Variants in SLC12A4 observed in about 807,000 individuals in gnomAD.
SLC12A4 encodes solute carrier family 12 member 4.
A neutral mutation model predicts 119.2 loss-of-function variants in SLC12A4; 84 were observed. The ratio of observed to expected loss-of-function variants is 0.70; its 90% CI spans 0.59 to 0.85. The LOEUF (loss-of-function observed/expected upper bound fraction) is 0.85, where lower values mean the gene tolerates loss of function less well. Among genes scored for constraint, SLC12A4 ranks in the 40% least tolerant of loss-of-function variants. SLC12A4 has a pLI of 0.00. For missense variants in SLC12A4, 1,298 were observed against 1,476.3 expected (o/e 0.88, Z 1.98); for synonymous variants, 599 against 604.6 (o/e 0.99, Z 0.14).
Position 67,944,958 on chromosome 16 carries a change from A to G in SLC12A4, c.3167-27T>C. ...TGCAGGGCCTCAAGTCAAGGAGGCA[A>G]CAACAGAATCAACGGGCAACCCGGG... On this transcript the variant is annotated intron_variant, in intron 23 of 23. Coordinates refer to ENST00000316341, the MANE Select transcript of SLC12A4 (RefSeq NM_005072.5). This position sits in a 1 kb window ranked among gnomAD's most constrained non-coding sequence, Gnocchi z 6.6. 2.5e-6 allele frequency: 4 copies of G among 1,613,030 alleles called. No individual in the cohort carries two copies. The highest frequency in any genetic ancestry group is 4.5e-5 in the East Asian group (2 of 44,858).
At chr16:67,945,910 G>A (rs2058339852) in intron 20 of SLC12A4, 39 bp from the exon 21 acceptor site, 30 of 1,613,026 alleles carry the variant, frequency 1.9e-5, no homozygotes, top group Non-Finnish European at 2.5e-5. Flanking sequence ...AGCTGCACGG[G>A]ACATGGTATC....
At chr16:67,966,109 G>C (rs2030859430) in intron 1 of SLC12A4, among the ~76,000 whole-genome samples, 1 of 152,198 alleles carries the variant, frequency 6.6e-6, no homozygotes, top group Non-Finnish European at 1.5e-5. Flanking sequence ...GTGACCCAGG[G>C]AGACATGCTT....
Position 67,948,059 on chromosome 16 carries a change from A to G in SLC12A4, c.1847+2T>C, listed in dbSNP as rs1598212600. On this transcript the variant is annotated splice_donor_variant, in intron 14 of 23. Coordinates refer to ENST00000316341, the MANE Select transcript of SLC12A4 (RefSeq NM_005072.5). LOFTEE classifies it high-confidence loss of function. ...GTCTCCCGTGTCAGAGGCATGGCTC[A>G]CCAGTGATAGTACTTGAACCGGGGC... 6.2e-7 allele frequency: 1 copy of G among 1,613,000 alleles called. No homozygotes were observed. Among genetic ancestry groups the G allele is most frequent in the East Asian group, 2.2e-5 (1 of 44,878 alleles).
chr16:67,956,547 G>A (rs967900137), intron 5 of SLC12A4, among the ~76,000 whole-genome samples: 3 of 151,712 alleles, frequency 2.0e-5, no homozygotes, highest in South Asian at 2.1e-4. Flanking sequence ...TGTGGTGGTC[G>A]CCTGTAATCC....
rs2029965274 is a variant in SLC12A4, at chr16:67,952,348, C to A, written c.753G>T (p.Met251Ile). ...TCAGGAAAATGGTCCCATACACACG[C>A]ATATTGTTCAAAGTGGCATTCGACG... is the stretch of plus-strand genomic sequence containing the variant. ...HDTSNATLNNMRVYGTIFLTF... is the reference protein window; with the variant it reads ...HDTSNATLNNIRVYGTIFLTF... The change falls in exon 7 of 24, where the codon ATG becomes ATT. Residue 251 changes from methionine (M) to isoleucine (I), a missense_variant. Coordinates refer to ENST00000316341, the MANE Select transcript of SLC12A4 (RefSeq NM_005072.5). 6.2e-7 allele frequency: 1 copy of A among 1,614,160 alleles called. No homozygotes were observed. The highest frequency in any genetic ancestry group is 1.7e-5 in the Admixed American group (1 of 60,026).
intron 1 of SLC12A4, among the ~76,000 whole-genome samples, chr16:67,964,377 C>G (rs1483544577): frequency 2.0e-5 from 3 of 152,170 alleles, no homozygotes; most frequent in Non-Finnish European, 4.4e-5. Flanking sequence ...TTTCAATAAG[C>G]CTGCCTCAAC....
chr16:67,953,742 T>C (rs1054534948), intron 6 of SLC12A4, among the ~76,000 whole-genome samples: 2 of 152,128 alleles, frequency 1.3e-5, no homozygotes, highest in African/African-American at 2.4e-5. Context: ...GATCCAAACA[T>C]AGATGCCAAC....
chr16:67,945,619 A>T, intron 21 of SLC12A4, 66 bp from the exon 22 acceptor site: 1 of 1,547,538 alleles, frequency 6.5e-7, no homozygotes, highest in South Asian at 1.2e-5. Context: ...TGTCTGGCCC[A>T]ATGTGACCAC....
chr16:67,968,001 G>A (rs1663283603), intron 1 of SLC12A4, among the ~76,000 whole-genome samples: 1 of 152,184 alleles, frequency 6.6e-6, no homozygotes, highest in African/African-American at 2.4e-5. Context: ...GAGGGGTTTG[G>A]GCAGTTGGGG....
chr16:67,946,931 A>T lies in SLC12A4; in HGVS notation c.2241+6T>A. The T allele has an allele frequency of 6.2e-7, 1 of 1,612,182 alleles. No homozygotes were observed. Among genetic ancestry groups the T allele is most frequent in the Non-Finnish European group, 8.5e-7 (1 of 1,179,426 alleles). On this transcript the variant is annotated splice_donor_region_variant and intron_variant, in intron 17 of 23. Coordinates refer to ENST00000316341, the MANE Select transcript of SLC12A4 (RefSeq NM_005072.5). ...TGGCTCAGCTCTCCCTCCCCAAAGCAAGTACCTGCTCGGCGGCCTGAGCCT... is the reference window on the plus strand; with the variant it reads ...TGGCTCAGCTCTCCCTCCCCAAAGCTAGTACCTGCTCGGCGGCCTGAGCCT...
chr16:67,964,137 G>A lies in SLC12A4; in HGVS notation c.116-578C>T, dbSNP rs574611333. ...GGGCAAGCCCCAGGCCGTGGAGAGC[G>A]GAAGTGGATTCCAGGAGCCTTCTAG... On this transcript the variant is annotated intron_variant, in intron 1 of 23. Coordinates refer to ENST00000316341, the MANE Select transcript of SLC12A4 (RefSeq NM_005072.5). The A allele has an allele frequency of 2.9e-5, 43 of 1,476,482 alleles. No homozygotes were observed. The African/African-American group carries it at 4.6e-4, about 16-fold the overall frequency. The allele number at this position is 1,476,482 out of a possible 1,614,324, so 91.5% of individuals were successfully genotyped here.
chr16:67,947,488 T>C, intron 15 of SLC12A4, 53 bp from the exon 16 acceptor site: 1 of 1,568,666 alleles, frequency 6.4e-7, no homozygotes, highest in Non-Finnish European at 8.7e-7. Context: ...GGGGGTTCTG[T>C]CTATGTGGAT....
chr16:67,963,104 CAAGG>C (rs2151338803), intron 2 of SLC12A4: 1 of 159,776 alleles, frequency 6.3e-6, no homozygotes, highest in East Asian at 1.9e-4. Flanking sequence ...CCAAGAAAGA[CAAGG>C]AAGAATCCAT....
chr16:67,950,833 T>C lies in SLC12A4; in HGVS notation c.1397-122A>G. ...AGCTGGGAGTCTCGTGGTGTGTATG[T>C]GCATGTGTGCATGAGAAGGGGAGCT... On this transcript the variant is annotated intron_variant, in intron 10 of 23. Coordinates refer to ENST00000316341, the MANE Select transcript of SLC12A4 (RefSeq NM_005072.5). This position sits in a 1 kb window ranked among gnomAD's most constrained non-coding sequence, Gnocchi z 4.3. 7.0e-7 allele frequency: 1 copy of C among 1,422,240 alleles called. No individual in the cohort carries two copies. The highest frequency in any genetic ancestry group is 1.2e-5 in the South Asian group (1 of 82,826). The allele number at this position is 1,422,240 out of a possible 1,614,324, so 88.1% of individuals were successfully genotyped here.
intron 16 of SLC12A4, 73 bp from the exon 17 acceptor site, chr16:67,947,178 C>T (rs886481082): frequency 8.5e-6 from 13 of 1,526,176 alleles, no homozygotes; most frequent in Non-Finnish European, 1.1e-5. Context: ...TTCTTCCCTT[C>T]TCGGGTCGTG....
In SLC12A4 at chr16:67,945,764, T is replaced by C; in HGVS notation, c.2847A>G (p.Glu949=). The C allele has an allele frequency of 6.2e-7, 1 of 1,612,838 alleles. No homozygotes were observed. Among genetic ancestry groups the C allele is most frequent in the East Asian group, 2.2e-5 (1 of 44,866 alleles). The part of the protein sequence containing the change: ...MRLTKTERER[E]AQLVKDRHSA... ...GGCGTGAACCACAAAGGGCACTGAC[T>C]TCTCGCTCCCGCTCAGTCTTGGTCA... is the stretch of plus-strand genomic sequence containing the variant. Residue 949 remains glutamate, a splice_region_variant and synonymous_variant, in exon 21 of 24, where the codon GAA becomes GAG. Transcript: ENST00000316341.
Position 67,949,810 on chromosome 16 carries a change from TG to T in SLC12A4, c.1737del (p.Ile580SerfsTer7). The T allele has an allele frequency of 6.2e-7, 1 of 1,608,488 alleles. No homozygotes were observed. Among genetic ancestry groups the T allele is most frequent in the Non-Finnish European group, 8.5e-7 (1 of 1,176,868 alleles). On this transcript the variant is annotated frameshift_variant, in exon 13 of 24. Coordinates refer to ENST00000316341, the MANE Select transcript of SLC12A4 (RefSeq NM_005072.5). LOFTEE classifies it high-confidence loss of function. The surrounding 1 kb of genome is among the most constrained non-coding windows in gnomAD (Gnocchi z 4.6). ...CCGGCCCCAGCTCACATGGATAAGA[TG>T]GGGGCCACCATGTCGAGGGAGGCGA... is the stretch of plus-strand genomic sequence containing the variant. ...ILIASLDMVAPILSMFFLMCY... is the reference protein window; with the variant it reads ...ILIASLDMVAXILSMFFLMCY...
At chr16:67,959,805 T>C (rs2030467321) in intron 3 of SLC12A4, among the ~76,000 whole-genome samples, 1 of 152,230 alleles carries the variant, frequency 6.6e-6, no homozygotes, top group Non-Finnish European at 1.5e-5. Context: ...ATCAAGCCGG[T>C]GCTGGAGCTG....
intron 5 of SLC12A4, 81 bp downstream of exon 5, chr16:67,957,661 T>A (rs1598224600): frequency 6.5e-7 from 1 of 1,529,554 alleles, no homozygotes; most frequent in East Asian, 2.3e-5. Context: ...GGCAGGGGTG[T>A]GCTATGGGGG....
Sources: gnomAD v4.1 joint callset for allele counts (sites outside exome capture counted in the v4.1 genomes callset) on GRCh38, gnomAD v4.1.1 for gene constraint, Gnocchi (gnomAD v3.1) non-coding constraint, MANE v1.5 for transcripts, NCBI Gene and HGNC (gene_info 2026-07-23, HGNC 2026-07-21) for gene names.